MOCOS: variants seen among roughly 807,000 people sequenced by gnomAD.
The protein encoded by MOCOS is molybdenum cofactor sulfurase, also known as human molybdenum cofactor sulfurase.
MOCOS carries 86 observed loss-of-function variants against 83.6 expected under a neutral mutation model. The ratio of observed to expected loss-of-function variants is 1.03; its 90% CI spans 0.86 to 1.23. MOCOS has a LOEUF of 1.23. Among genes scored for constraint, MOCOS ranks in the 50% most tolerant of loss-of-function variants. The probability of loss-of-function intolerance (pLI) is 0.00; values close to 1 mark genes in which losing one functional copy is unlikely to be tolerated. For synonymous variants in MOCOS, 445 were observed against 434.7 expected (o/e 1.02, Z -0.29); for missense variants, 1,120 against 1,126.9 (o/e 0.99, Z 0.09).
In MOCOS at chr18:36,195,243, G is replaced by T. The variant is rs1309008474; in HGVS notation, c.143-14G>T. 6.2e-7 allele frequency: 1 copy of T among 1,608,936 alleles called. No homozygotes were observed. Among genetic ancestry groups the T allele is most frequent in the Non-Finnish European group, 8.5e-7 (1 of 1,175,646 alleles). Reference sequence around the variant, plus strand: ...CAGGTAAAATTTTAGTATTTATTTTGTGTTTTCTTTCAGGAACTGTCTATC... The same window carrying T: ...CAGGTAAAATTTTAGTATTTATTTTTTGTTTTCTTTCAGGAACTGTCTATC... On this transcript the variant is annotated splice_polypyrimidine_tract_variant and intron_variant, in intron 1 of 14. Coordinates refer to ENST00000261326, the MANE Select transcript of MOCOS (RefSeq NM_017947.4).
chr18:36,223,442 A>C (rs1269173426), intron 9 of MOCOS, among the ~76,000 whole-genome samples: 2 of 152,196 alleles, frequency 1.3e-5, no homozygotes, highest in Non-Finnish European at 2.9e-5. Flanking sequence ...CTGTTTCATT[A>C]GTCTGTGTAT....
chr18:36,229,719 C>A (rs537855526), intron 9 of MOCOS, among the ~76,000 whole-genome samples: 10 of 151,796 alleles, frequency 6.6e-5, no homozygotes, highest in African/African-American at 2.4e-4. Flanking sequence ...GCTCCTCTGA[C>A]TGAATTATTT....
chr18:36,268,419 GTA>G, intron 14 of MOCOS, 112 bp from the exon 15 acceptor site: 1 of 1,299,924 alleles, frequency 7.7e-7, no homozygotes, highest in Non-Finnish European at 1.1e-6. Context: ...TCAAGTCTCA[GTA>G]TATGTCTTTA....
chr18:36,205,789 G>A (rs981693038), intron 6 of MOCOS, among the ~76,000 whole-genome samples: 30 of 152,198 alleles, frequency 2.0e-4, no homozygotes, highest in African/African-American at 7.2e-4. Flanking sequence ...ACCCAGGCTG[G>A]CATGCAATGG....
At position 36,251,261 on chromosome 18, in the gene MOCOS, T is replaced by G. The variant is rs780328227; in HGVS notation, c.2142T>G (p.Asn714Lys). ...LIKQSSNSQR[N>K]AKKKHGKDQL... is the part of the protein sequence containing the mutation. Reference sequence around the variant, plus strand: ...AACAAAGTTCAAACTCTCAAAGGAATGCAAAGAAGAAACATGGAAAAGGTA... The same window carrying G: ...AACAAAGTTCAAACTCTCAAAGGAAGGCAAAGAAGAAACATGGAAAAGGTA... Residue 714 changes from asparagine (N) to lysine (K), a missense_variant, in exon 11 of 15, where the codon AAT (asparagine) becomes AAG (lysine). Asn to Lys is a moderately conservative substitution (Grantham distance 94, BLOSUM62 0). Coordinates refer to ENST00000261326, the MANE Select transcript of MOCOS (RefSeq NM_017947.4). The G allele has an allele frequency of 5.0e-6, 8 of 1,614,134 alleles. No individual in the cohort carries two copies. The Admixed American group carries it at 6.7e-5, about 13-fold the overall frequency.
At chr18:36,224,716 G>A (rs955882408) in intron 9 of MOCOS, among the ~76,000 whole-genome samples, 6 of 152,164 alleles carry the variant, frequency 3.9e-5, no homozygotes, top group African/African-American at 1.4e-4. Context: ...ATTCGTCAGG[G>A]ATATTGGCCT....
chr18:36,232,146 G>T (rs2144933373), intron 9 of MOCOS, among the ~76,000 whole-genome samples: 1 of 152,018 alleles, frequency 6.6e-6, no homozygotes, highest in African/African-American at 2.4e-5. Context: ...GCTAATTTTT[G>T]ATATTTTCAG....
At chr18:36,254,914 TG>T (rs2091636349) in intron 11 of MOCOS, among the ~76,000 whole-genome samples, 1 of 152,084 alleles carries the variant, frequency 6.6e-6, no homozygotes, top group African/African-American at 2.4e-5. Context: ...TTAATAGAGA[TG>T]GGGTTTCGCC....
At chr18:36,242,180 C>T (rs191279049) in intron 9 of MOCOS, among the ~76,000 whole-genome samples, 59 of 152,284 alleles carry the variant, frequency 3.9e-4, no homozygotes, top group African/African-American at 1.4e-3. Context: ...GCTCTGCTAC[C>T]CTCCCCTTTT....
intron 6 of MOCOS, among the ~76,000 whole-genome samples, chr18:36,207,020 G>T (rs1435462941): frequency 6.6e-6 from 1 of 152,102 alleles, no homozygotes; most frequent in African/African-American, 2.4e-5. Context: ...AAGGAATTGG[G>T]ATGGCTGGAT....
rs1474490913 is a variant in MOCOS, at chr18:36,270,353, A to G, written c.*1668A>G. On this transcript the variant is annotated 3_prime_UTR_variant, in exon 15 of 15. Transcript: ENST00000261326. ...GATGGCACATTGCCCCATTTCCAAG[A>G]CCTTCCGCTGACAAATGCATCATAT... 1 of 152,104 alleles carries G rather than the reference A, an allele frequency of 6.6e-6. No homozygotes were observed. The highest frequency in any genetic ancestry group is 2.4e-5 in the African/African-American group (1 of 41,414). The allele number at this position is 152,104 out of a possible 1,614,324, so 9.4% of individuals were successfully genotyped here.
At chr18:36,262,491 G>T (rs939001817) in intron 13 of MOCOS, among the ~76,000 whole-genome samples, 1 of 151,926 alleles carries the variant, frequency 6.6e-6, no homozygotes, top group African/African-American at 2.4e-5. Flanking sequence ...ATAAGATATG[G>T]TTAATACTGC....
rs778766392 is a variant in MOCOS at position 36,195,257 on chromosome 18, G to A, written c.143G>A (p.Gly48Glu). The A allele has an allele frequency of 1.9e-6, 3 of 1,613,750 alleles. No individual in the cohort carries two copies. Among genetic ancestry groups the A allele is most frequent in the African/African-American group, 1.3e-5 (1 of 75,024 alleles). Reference sequence around the variant, plus strand: ...GTATTTATTTTGTGTTTTCTTTCAGGAACTGTCTATCTTGACCATGCAGGT... The same window carrying A: ...GTATTTATTTTGTGTTTTCTTTCAGAAACTGTCTATCTTGACCATGCAGGT... ...LRAREFSRLA[G>E]TVYLDHAGAT... The change falls in exon 2 of 15, where the codon GGA becomes GAA. Residue 48 changes from glycine to glutamate, a missense_variant and splice_region_variant. By Grantham distance (98) the Gly-to-Glu change is moderately conservative. Coordinates refer to ENST00000261326, the MANE Select transcript of MOCOS (RefSeq NM_017947.4).
intron 12 of MOCOS, among the ~76,000 whole-genome samples, chr18:36,259,402 T>C (rs1355390703): frequency 1.4e-5 from 2 of 146,824 alleles, no homozygotes; most frequent in Non-Finnish European, 3.0e-5. Context: ...TGAGCTGAGA[T>C]TGTGCCACTG....
chr18:36,199,967 C>A lies in MOCOS; in HGVS notation c.584C>A (p.Pro195Gln), dbSNP rs576207083. 6.2e-7 allele frequency: 1 copy of A among 1,614,214 alleles called. No homozygotes were observed. ...GCCAGCAACCCAGACTGCCAGCTGC[C>A]GCATCTCTTCTGCTACCCAGCTCAG... ...ASASNPDCQL[P>Q]HLFCYPAQSN... Residue 195 changes from proline to glutamine, a missense_variant, in exon 4 of 15, where the codon CCG (proline) becomes CAG (glutamine). Pro to Gln is a moderately conservative substitution (Grantham distance 76, BLOSUM62 -1). Coordinates refer to ENST00000261326, the MANE Select transcript of MOCOS (RefSeq NM_017947.4).
intron 9 of MOCOS, among the ~76,000 whole-genome samples, chr18:36,248,591 C>T (rs1212146794): frequency 1.3e-5 from 2 of 152,158 alleles, no homozygotes; most frequent in East Asian, 3.8e-4. Flanking sequence ...ATTTAAATCT[C>T]TAATCCATTT....
chr18:36,210,629 C>G (rs2091451174), intron 6 of MOCOS, among the ~76,000 whole-genome samples: 1 of 151,686 alleles, frequency 6.6e-6, no homozygotes, highest in African/African-American at 2.4e-5. Flanking sequence ...GGTTGGTGGA[C>G]CACCTGAGGT....
rs1436775520 is a variant in MOCOS, at chr18:36,239,319, G to C, written c.1961-9603G>C. On this transcript the variant is annotated intron_variant, in intron 9 of 14. Transcript: ENST00000261326. ...AGCGCTTCCTTCAGGAGCTCTTTTA[G>C]GGCAGGCCTGGTGGTGACAAAATCT... Among the ~76,000 whole-genome samples, 7 of 149,732 alleles carry C rather than the reference G, an allele frequency of 4.7e-5. 1 individual carries two copies. The highest frequency in any genetic ancestry group is 3.4e-4 in the Admixed American group (5 of 14,868).
At chr18:36,262,222 G>A (rs1406374710) in intron 13 of MOCOS, among the ~76,000 whole-genome samples, 1 of 58,402 alleles carries the variant, frequency 1.7e-5, no homozygotes. Context: ...CACCAGCCTG[G>A]GCAGCATAGC....
Sources: allele counts gnomAD v4.1 joint callset (sites outside exome capture counted in the v4.1 genomes callset), GRCh38; gene constraint gnomAD v4.1.1; transcripts MANE v1.5; gene names NCBI Gene and HGNC (gene_info 2026-07-23, HGNC 2026-07-21).